Variants in CNTNAP2 observed in about 807,000 individuals in gnomAD.
CNTNAP2 encodes contactin-associated protein-like 2.
CNTNAP2 carries 98 observed loss-of-function variants against 155.2 expected under a neutral mutation model. That is an observed-to-expected ratio of 0.63 (90% CI 0.54 to 0.75). The LOEUF (loss-of-function observed/expected upper bound fraction) is 0.75, where lower values mean the gene tolerates loss of function less well. Among genes scored for constraint, CNTNAP2 ranks in the 30% least tolerant of loss-of-function variants. The pLI is 0.00. For synonymous variants in CNTNAP2, 651 were observed against 631.2 expected (o/e 1.03, Z -0.47); for missense variants, 1,727 against 1,688.1 (o/e 1.02, Z -0.40).
chr7:147,573,029 AC>A (rs1471750136), intron 12 of CNTNAP2, among the ~76,000 whole-genome samples: 2 of 152,238 alleles, frequency 1.3e-5, no homozygotes, highest in Middle Eastern at 3.4e-3. Context: ...AATCACCACA[AC>A]CAAGAAAGTT....
intron 4 of CNTNAP2, among the ~76,000 whole-genome samples, chr7:147,075,229 C>A (rs1799973158): frequency 6.6e-6 from 1 of 152,050 alleles, no homozygotes; most frequent in South Asian, 2.1e-4. Context: ...TGTGGGTAAA[C>A]AATATTGATT....
intron 13 of CNTNAP2, among the ~76,000 whole-genome samples, chr7:147,797,309 C>T (rs569896450): frequency 6.6e-6 from 1 of 152,028 alleles, no homozygotes; most frequent in African/African-American, 2.4e-5. Flanking sequence ...AAATTCTCAA[C>T]TTAACTTTGT....
intron 13 of CNTNAP2, among the ~76,000 whole-genome samples, chr7:147,708,949 G>A (rs1796360250): frequency 6.6e-6 from 1 of 152,040 alleles, no homozygotes; most frequent in Admixed American, 6.6e-5. Flanking sequence ...TCTACTTTTG[G>A]ATGGAATTAG....
Position 148,147,633 on chromosome 7 carries a change from C to T in CNTNAP2, c.2697C>T (p.Asp899=). The T allele has an allele frequency of 1.2e-6, 2 of 1,614,064 alleles. No individual in the cohort carries two copies. The highest frequency in any genetic ancestry group is 1.1e-5 in the South Asian group (1 of 91,074). ...RNVKQASLQV[D]RLPQQIRKAP... The stretch of plus-strand genomic sequence containing the variant: ...TCAAGCAGGCCAGCCTACAGGTGGA[C>T]CGGCTACCGCAGCAGATCCGCAAGG... Residue 899 remains aspartate, a synonymous_variant, in exon 17 of 24, where the codon GAC becomes GAT. Transcript: ENST00000361727.
chr7:147,924,143 C>CTTTTCTTTTTTTTTTTTTTTTTT (rs1554450278), intron 14 of CNTNAP2, among the ~76,000 whole-genome samples: 1 of 123,494 alleles, frequency 8.1e-6, no homozygotes, highest in Admixed American at 8.6e-5. Context: ...CTTTTCTTTT[C>CTTTTCTTTTTTTTTTTTTTTTTT]TTTTTTTTTT....
chr7:146,367,332 A>T lies in CNTNAP2; in HGVS notation c.97+250359A>T, dbSNP rs1563057157. Reference sequence around the variant, plus strand: ...ATCTTGTAAGCGGCAGAGCAAATGCAGTTATACATTTCATTCTATGCCTGC... The same window carrying T: ...ATCTTGTAAGCGGCAGAGCAAATGCTGTTATACATTTCATTCTATGCCTGC... On this transcript the variant is annotated intron_variant, in intron 1 of 23. Coordinates refer to ENST00000361727, the MANE Select transcript of CNTNAP2 (RefSeq NM_014141.6). Among the ~76,000 whole-genome samples, 6 of 152,210 alleles carry T rather than the reference A, an allele frequency of 3.9e-5. No homozygotes were observed. The South Asian group carries it at 1.0e-3, about 26-fold the overall frequency.
At chr7:146,824,309 C>A (rs111658019) in intron 2 of CNTNAP2, among the ~76,000 whole-genome samples, 1 of 152,138 alleles carries the variant, frequency 6.6e-6, no homozygotes, top group Non-Finnish European at 1.5e-5. Context: ...TGGGTTGGAT[C>A]CAAGTCTTTG....
At chr7:148,064,476 C>T (rs1279245601) in intron 15 of CNTNAP2, among the ~76,000 whole-genome samples, 1 of 151,926 alleles carries the variant, frequency 6.6e-6, no homozygotes, top group Non-Finnish European at 1.5e-5. Flanking sequence ...GGAAGTCAAA[C>T]TGTTGCCGTT....
chr7:147,870,475 T>C (rs1412010630), intron 13 of CNTNAP2, among the ~76,000 whole-genome samples: 1 of 151,984 alleles, frequency 6.6e-6, no homozygotes, highest in Non-Finnish European at 1.5e-5. Flanking sequence ...TGGTGGTGGA[T>C]CCCAAGCAGC....
At chr7:146,568,966 G>T (rs577785721) in intron 1 of CNTNAP2, among the ~76,000 whole-genome samples, 2 of 151,086 alleles carry the variant, frequency 1.3e-5, no homozygotes. Context: ...TTCCCATCTT[G>T]TTTTTTCTCT....
At chr7:147,311,886 G>A (rs1795134507) in intron 9 of CNTNAP2, among the ~76,000 whole-genome samples, 1 of 151,980 alleles carries the variant, frequency 6.6e-6, no homozygotes, top group Non-Finnish European at 1.5e-5. Flanking sequence ...AACTGTGATG[G>A]TCTGTTATTG....
chr7:147,511,936 G>C (rs918557206), intron 11 of CNTNAP2, among the ~76,000 whole-genome samples: 3 of 152,160 alleles, frequency 2.0e-5, no homozygotes, highest in Non-Finnish European at 4.4e-5. Flanking sequence ...GATAAAAGCT[G>C]TTTGTATATT....
chr7:146,265,649 G>T (rs1354229996), intron 1 of CNTNAP2, among the ~76,000 whole-genome samples: 2 of 151,750 alleles, frequency 1.3e-5, no homozygotes, highest in African/African-American at 4.8e-5. Flanking sequence ...TTATAGAGAC[G>T]GGGTTTTGCC....
intron 10 of CNTNAP2, among the ~76,000 whole-genome samples, chr7:147,482,707 C>G: frequency 7.4e-6 from 1 of 134,836 alleles, no homozygotes. Flanking sequence ...GGCGACTGAG[C>G]GAGATTCCGT....
At position 146,898,836 on chromosome 7, in the gene CNTNAP2, C is replaced by G. The variant is rs116414354; in HGVS notation, c.402+58932C>G. On this transcript the variant is annotated intron_variant, in intron 3 of 23. Coordinates refer to ENST00000361727, the MANE Select transcript of CNTNAP2 (RefSeq NM_014141.6). The stretch of plus-strand genomic sequence containing the variant: ...GTGTAGACCTTAAAAGGGGCCAGCC[C>G]TCTCTACTTTTTAACATAATGTCTG... Among the ~76,000 whole-genome samples, 722 of 152,002 alleles carry G rather than the reference C, an allele frequency of 4.7e-3. 6 individuals are homozygous for G. The highest frequency in any genetic ancestry group is 0.017 in the African/African-American group (690 of 41,470).
At chr7:146,764,314 C>T (rs1802157755) in intron 1 of CNTNAP2, among the ~76,000 whole-genome samples, 3 of 152,052 alleles carry the variant, frequency 2.0e-5, no homozygotes, top group South Asian at 4.1e-4. Flanking sequence ...CTACTGTCAC[C>T]ACTGTGTTAG....
intron 13 of CNTNAP2, among the ~76,000 whole-genome samples, chr7:147,718,139 C>T (rs1796509466): frequency 6.6e-6 from 1 of 151,930 alleles, no homozygotes; most frequent in East Asian, 1.9e-4. Flanking sequence ...ATTAAATGTG[C>T]CTAGCCAAGT....
intron 21 of CNTNAP2, among the ~76,000 whole-genome samples, chr7:148,335,847 T>C (rs1266186505): frequency 7.4e-6 from 1 of 134,300 alleles, no homozygotes; most frequent in Non-Finnish European, 1.6e-5. Context: ...TCTCCAGGTT[T>C]AAATATTGTA....
At chr7:147,975,850 T>G (rs985090215) in intron 14 of CNTNAP2, among the ~76,000 whole-genome samples, 2 of 152,086 alleles carry the variant, frequency 1.3e-5, no homozygotes, top group African/African-American at 4.8e-5. Flanking sequence ...TGATAGTCAG[T>G]GGGATATTTG....
Sources: allele counts gnomAD v4.1 joint callset (sites outside exome capture counted in the v4.1 genomes callset), GRCh38; gene constraint gnomAD v4.1.1; transcripts MANE v1.5; gene names NCBI Gene and HGNC (gene_info 2026-07-23, HGNC 2026-07-21).